UNC5D: variants seen among roughly 807,000 people sequenced by gnomAD.
The protein encoded by UNC5D is netrin receptor UNC5D.
A neutral mutation model predicts 105.4 loss-of-function variants in UNC5D; 39 were observed. The observed-to-expected ratio is 0.37, with a 90% CI of 0.29 to 0.48. The LOEUF is 0.48. Among genes scored for constraint, UNC5D ranks in the 20% least tolerant of loss-of-function variants. The pLI, the probability that UNC5D is intolerant of heterozygous loss-of-function variation, is 0.98. For synonymous variants in UNC5D, 452 were observed against 450.4 expected (o/e 1.00, Z -0.04); for missense variants, 991 against 1,202.4 (o/e 0.82, Z 2.60).
chr8:35,496,186 G>A (rs903629064), intron 1 of UNC5D, among the ~76,000 whole-genome samples: 42 of 152,206 alleles, frequency 2.8e-4, no homozygotes, highest in African/African-American at 9.4e-4. Flanking sequence ...AACAGAGCAG[G>A]TGAGGTTGGG....
chr8:35,352,158 T>C (rs1172066731), intron 1 of UNC5D, among the ~76,000 whole-genome samples: 2 of 152,120 alleles, frequency 1.3e-5, no homozygotes, highest in Non-Finnish European at 2.9e-5. Context: ...AAGAGGCTAT[T>C]AGATAACTAA....
At chr8:35,642,968 G>T (rs1281563933) in intron 4 of UNC5D, among the ~76,000 whole-genome samples, 1 of 152,128 alleles carries the variant, frequency 6.6e-6, no homozygotes, top group Non-Finnish European at 1.5e-5. Flanking sequence ...TGCCCACGGA[G>T]CAGGCTTAGA....
rs924086128 is a variant in UNC5D at position 35,397,198 on chromosome 8, G to A, written c.104-152094G>A. Among the ~76,000 whole-genome samples, 11 of 152,114 alleles carry A rather than the reference G, an allele frequency of 7.2e-5. No individual in the cohort carries two copies. In the South Asian group the frequency reaches 1.2e-3, roughly 17 times the overall value. On this transcript the variant is annotated intron_variant, in intron 1 of 16. Transcript: ENST00000404895. ...TGGGATTACAGGTGTGAGCCACCACGCCCAGCCCAAGCCCAAGGTTTTTAT... is the reference window on the plus strand; with the variant it reads ...TGGGATTACAGGTGTGAGCCACCACACCCAGCCCAAGCCCAAGGTTTTTAT...
chr8:35,469,502 T>A (rs1257763868), intron 1 of UNC5D, among the ~76,000 whole-genome samples: 1 of 152,216 alleles, frequency 6.6e-6, no homozygotes, highest in Non-Finnish European at 1.5e-5. Context: ...TGTCTATGTT[T>A]GTGGGGAAAG....
intron 1 of UNC5D, among the ~76,000 whole-genome samples, chr8:35,283,322 C>G (rs1341834767): frequency 5.9e-5 from 9 of 152,082 alleles, no homozygotes; most frequent in African/African-American, 2.2e-4. Context: ...CCTGCAGCAT[C>G]AATATTTAGC....
chr8:35,549,586 T>G, intron 2 of UNC5D, 76 bp downstream of exon 2: 3 of 1,383,730 alleles, frequency 2.2e-6, no homozygotes, highest in Non-Finnish European at 3.0e-6. Flanking sequence ...TGGGAAAGAC[T>G]GGAAATCACC....
At position 35,794,326 on chromosome 8, in the gene UNC5D, A is replaced by T. The variant is rs1032972756; in HGVS notation, c.*3763A>T. On this transcript the variant is annotated 3_prime_UTR_variant, in exon 17 of 17. Transcript: ENST00000404895. ...CACAGGAATCGTGAAGGAGCTGAGA[A>T]ATCTTCCTCTCCGGCCCACTGTCTG... is the stretch of plus-strand genomic sequence containing the variant. 6.6e-6 allele frequency: 1 copy of T among 152,134 alleles called. No individual in the cohort carries two copies. The highest frequency in any genetic ancestry group is 1.5e-5 in the Non-Finnish European group (1 of 68,030). 9.4% of individuals were successfully genotyped at this position (152,134 alleles called of 1,614,324 possible). A position where few individuals can be genotyped will look rare whatever the true frequency, so the allele number is the denominator to read the frequency against.
At chr8:35,607,340 T>C (rs1231993399) in intron 4 of UNC5D, among the ~76,000 whole-genome samples, 1 of 152,174 alleles carries the variant, frequency 6.6e-6, no homozygotes, top group Non-Finnish European at 1.5e-5. Flanking sequence ...CTGAGGAGGC[T>C]TGAAACAGCA....
chr8:35,461,197 G>A (rs1283146220), intron 1 of UNC5D, among the ~76,000 whole-genome samples: 2 of 152,128 alleles, frequency 1.3e-5, no homozygotes, highest in Non-Finnish European at 1.5e-5. Flanking sequence ...TCCCAGGAAC[G>A]GTGATGGGTG....
At chr8:35,337,253 G>A (rs1811112942) in intron 1 of UNC5D, among the ~76,000 whole-genome samples, 1 of 152,050 alleles carries the variant, frequency 6.6e-6, no homozygotes, top group Non-Finnish European at 1.5e-5. Flanking sequence ...CTACTAGTAT[G>A]CAAGACCTTA....
intron 16 of UNC5D, among the ~76,000 whole-genome samples, chr8:35,775,794 G>A (rs946585431): frequency 1.3e-5 from 2 of 152,164 alleles, no homozygotes; most frequent in African/African-American, 4.8e-5. Context: ...AGCCAAGAAC[G>A]AAGGGCTCAA....
In UNC5D at chr8:35,536,639, G is replaced by A. The variant is rs906179297; in HGVS notation, c.104-12653G>A. On this transcript the variant is annotated intron_variant, in intron 1 of 16. Coordinates refer to ENST00000404895, the MANE Select transcript of UNC5D (RefSeq NM_080872.4). ...TAGTGAAACTCATCTCTTGATTGCT[G>A]TAATCCAAAATTCTTTTAAAAATAT... is the stretch of plus-strand genomic sequence containing the variant. Among the ~76,000 whole-genome samples the A allele has an allele frequency of 3.9e-5, 6 of 152,144 alleles. No individual in the cohort carries two copies. In the South Asian group the frequency reaches 8.3e-4, roughly 21 times the overall value.
chr8:35,767,743 T>C (rs149596818), intron 15 of UNC5D, among the ~76,000 whole-genome samples: 1 of 152,164 alleles, frequency 6.6e-6, no homozygotes, highest in African/African-American at 2.4e-5. Flanking sequence ...GAGTTACAAG[T>C]AGCAGTCAAG....
intron 1 of UNC5D, among the ~76,000 whole-genome samples, chr8:35,407,683 C>G (rs1327526222): frequency 6.6e-6 from 1 of 152,046 alleles, no homozygotes; most frequent in Non-Finnish European, 1.5e-5. Context: ...GATCCTCTCC[C>G]ACCTCCCACC....
At chr8:35,694,659 T>C (rs879925760) in intron 7 of UNC5D, among the ~76,000 whole-genome samples, 2 of 152,080 alleles carry the variant, frequency 1.3e-5, no homozygotes, top group Non-Finnish European at 2.9e-5. Flanking sequence ...TTTCCCTCCA[T>C]AGTAAGCACT....
chr8:35,686,100 T>C (rs1175717324), intron 6 of UNC5D, among the ~76,000 whole-genome samples: 1 of 152,172 alleles, frequency 6.6e-6, no homozygotes, highest in Admixed American at 6.5e-5. Flanking sequence ...GGTTTAACTT[T>C]ATATTGTTTA....
chr8:35,682,329 T>G (rs1215692653), intron 4 of UNC5D, among the ~76,000 whole-genome samples: 5 of 152,234 alleles, frequency 3.3e-5, no homozygotes, highest in Non-Finnish European at 7.3e-5. Flanking sequence ...TGAAGTATCT[T>G]ATTCTAAAAC....
Position 35,666,289 on chromosome 8 carries a change from C to T in UNC5D, c.571-17258C>T, listed in dbSNP as rs191206728. ...CTAAAGTCAAATAACAATGAAGGAT[C>T]GGAGTGAGGAGAATTGTGGACTAAT... is the stretch of plus-strand genomic sequence containing the variant. On this transcript the variant is annotated intron_variant, in intron 4 of 16. Transcript: ENST00000404895. Among the ~76,000 whole-genome samples, 96 of 151,812 alleles carry T rather than the reference C, an allele frequency of 6.3e-4. 1 individual carries two copies. Among genetic ancestry groups the T allele is most frequent in the Non-Finnish European group, 6.5e-4 (44 of 67,946 alleles).
intron 1 of UNC5D, among the ~76,000 whole-genome samples, chr8:35,510,983 G>T (rs1812664186): frequency 6.6e-6 from 1 of 152,098 alleles, no homozygotes; most frequent in African/African-American, 2.4e-5. Flanking sequence ...CCATTAATTG[G>T]CCTCCAACTA....
Sources: allele counts gnomAD v4.1 joint callset (sites outside exome capture counted in the v4.1 genomes callset), GRCh38; gene constraint gnomAD v4.1.1; transcripts MANE v1.5; gene names NCBI Gene and HGNC (gene_info 2026-07-23, HGNC 2026-07-21).